Variants in GSK3B observed in about 807,000 individuals in gnomAD.
GSK3B encodes the protein glycogen synthase kinase-3 beta.
In GSK3B, 15 loss-of-function variants were observed where a neutral mutation model predicts 56.4. The ratio of observed to expected loss-of-function variants is 0.27; its 90% CI spans 0.18 to 0.41. GSK3B has a LOEUF of 0.41. GSK3B is among the 10% of genes least tolerant of loss of function. The pLI is 1.00. For synonymous variants in GSK3B, 181 were observed against 188.9 expected, an observed-to-expected ratio of 0.96 and a Z score of 0.34; for missense variants, 300 against 513.4, an observed-to-expected ratio of 0.58 and a Z score of 4.02.
intron 2 of GSK3B, among the ~76,000 whole-genome samples, chr3:119,958,644 CTT>C (rs2057239303): frequency 6.6e-6 from 1 of 152,076 alleles, no homozygotes. Flanking sequence ...TGACATTGCA[CTT>C]CAGCCTGGGT....
chr3:119,911,468 C>A (rs1324149254), intron 6 of GSK3B, among the ~76,000 whole-genome samples: 2 of 152,126 alleles, frequency 1.3e-5, no homozygotes, highest in Non-Finnish European at 2.9e-5. Context: ...ACATTAGGCC[C>A]TCACAAGAGA....
rs565419702 is a variant in GSK3B, at chr3:120,084,106, C to T, written c.88+9241G>A. On this transcript the variant is annotated intron_variant, in intron 1 of 10. Transcript: ENST00000264235. ...CTGAGTAATGAAAAAATGAATGTTA[C>T]GGTATGTGAATTATATCTCAATAAA... Among the ~76,000 whole-genome samples, 13 of 152,148 alleles carry T rather than the reference C, an allele frequency of 8.5e-5. No individual in the cohort carries two copies. The East Asian group carries it at 9.7e-4, about 11-fold the overall frequency.
At chr3:119,945,183 G>C (rs2057087963) in intron 3 of GSK3B, among the ~76,000 whole-genome samples, 1 of 152,128 alleles carries the variant, frequency 6.6e-6, no homozygotes, top group Admixed American at 6.6e-5. Flanking sequence ...GCACATCTTA[G>C]AAAAATTTCC....
intron 4 of GSK3B, among the ~76,000 whole-genome samples, chr3:119,922,663 C>T (rs562108020): frequency 2.0e-5 from 3 of 151,698 alleles, no homozygotes; most frequent in Admixed American, 6.6e-5. Context: ...ATAAGACATT[C>T]AGAGTCAATG....
intron 9 of GSK3B, among the ~76,000 whole-genome samples, chr3:119,862,957 A>G (rs1479337163): frequency 6.6e-6 from 1 of 152,176 alleles, no homozygotes; most frequent in Non-Finnish European, 1.5e-5. Flanking sequence ...AAGTTCTTAG[A>G]AAGGGTTTAT....
At position 119,905,691 on chromosome 3, in the gene GSK3B, T is replaced by C. The variant is rs2056676034; in HGVS notation, c.813+64A>G. Reference sequence around the variant, plus strand: ...GTTTCTCGTATGTGTACATGTGTGATATATATTATTAAAGTAGCACAAAAA... The same window carrying C: ...GTTTCTCGTATGTGTACATGTGTGACATATATTATTAAAGTAGCACAAAAA... On this transcript the variant is annotated intron_variant, in intron 7 of 10. Transcript: ENST00000264235. The C allele has an allele frequency of 1.2e-5, 11 of 899,880 alleles. No individual in the cohort carries two copies. The South Asian group carries it at 1.3e-4, about 11-fold the overall frequency. 55.7% of individuals were successfully genotyped at this position (899,880 alleles called of 1,614,324 possible).
intron 1 of GSK3B, among the ~76,000 whole-genome samples, chr3:120,026,554 A>ACAC (rs1559881737): frequency 0.013 from 846 of 64,364 alleles, 9 homozygotes; most frequent in Middle Eastern, 0.028. Flanking sequence ...CACACACACA[A>ACAC]ACACACACAC....
chr3:119,939,503 CAAT>C (rs2057026927), intron 3 of GSK3B, among the ~76,000 whole-genome samples: 1 of 152,072 alleles, frequency 6.6e-6, no homozygotes, highest in Admixed American at 6.6e-5. Flanking sequence ...TAAACCCAGA[CAAT>C]AAATTCTTAA....
At chr3:120,018,196 C>T (rs1384022294) in intron 1 of GSK3B, among the ~76,000 whole-genome samples, 1 of 152,136 alleles carries the variant, frequency 6.6e-6, no homozygotes, top group Non-Finnish European at 1.5e-5. Context: ...GAGAAGGGAA[C>T]TGAGACTCAA....
intron 1 of GSK3B, among the ~76,000 whole-genome samples, chr3:120,073,178 G>A (rs1310577942): frequency 7.1e-6 from 1 of 139,902 alleles, no homozygotes; most frequent in Non-Finnish European, 1.5e-5. Flanking sequence ...CTTAAGCCCA[G>A]CCTGGACAAC....
At chr3:120,050,644 G>T (rs1167889922) in intron 1 of GSK3B, among the ~76,000 whole-genome samples, 1 of 152,154 alleles carries the variant, frequency 6.6e-6, no homozygotes, top group Non-Finnish European at 1.5e-5. Flanking sequence ...TAGAGAGGAA[G>T]AAGAAGAATA....
intron 1 of GSK3B, among the ~76,000 whole-genome samples, chr3:120,004,995 T>C (rs1278226493): frequency 6.6e-6 from 1 of 152,146 alleles, no homozygotes; most frequent in Non-Finnish European, 1.5e-5. Flanking sequence ...AAGAAGTATG[T>C]TCTAACCCAT....
intron 3 of GSK3B, among the ~76,000 whole-genome samples, chr3:119,941,748 C>T (rs2057051791): frequency 6.6e-6 from 1 of 152,182 alleles, no homozygotes; most frequent in Admixed American, 6.5e-5. Context: ...ATAATGAGCA[C>T]GTGATAACCT....
chr3:120,005,241 G>A (rs2057716723), intron 1 of GSK3B, among the ~76,000 whole-genome samples: 1 of 152,084 alleles, frequency 6.6e-6, no homozygotes, highest in Non-Finnish European at 1.5e-5. Flanking sequence ...AGAGTGAAAA[G>A]AAATGAACAA....
At chr3:119,972,561 G>A (rs896665439) in intron 2 of GSK3B, among the ~76,000 whole-genome samples, 19 of 152,072 alleles carry the variant, frequency 1.2e-4, no homozygotes, top group African/African-American at 3.6e-4. Context: ...TCAGCCTCCC[G>A]AGTAGCTGGG....
At chr3:119,887,589 T>C (rs958040997) in intron 7 of GSK3B, among the ~76,000 whole-genome samples, 1 of 151,952 alleles carries the variant, frequency 6.6e-6, no homozygotes, top group Non-Finnish European at 1.5e-5. Context: ...ATAGAAACTA[T>C]CAAAGCTGAA....
At chr3:119,897,859 A>G (rs1430683101) in intron 7 of GSK3B, among the ~76,000 whole-genome samples, 1 of 151,998 alleles carries the variant, frequency 6.6e-6, no homozygotes, top group East Asian at 1.9e-4. Flanking sequence ...TTAAGTCAGG[A>G]AACAAGAGTG....
At chr3:120,087,317 G>T (rs149078887) in intron 1 of GSK3B, among the ~76,000 whole-genome samples, 1 of 152,316 alleles carries the variant, frequency 6.6e-6, no homozygotes, top group African/African-American at 2.4e-5. Context: ...AAGATCACAA[G>T]GTCAGGATTT....
At chr3:119,901,511 T>C (rs996984479) in intron 7 of GSK3B, among the ~76,000 whole-genome samples, 34 of 152,174 alleles carry the variant, frequency 2.2e-4, no homozygotes, top group African/African-American at 8.0e-4. Context: ...AAAAACCTTA[T>C]TAGAGGGCAG....
Sources: gnomAD v4.1 joint callset for allele counts (sites outside exome capture counted in the v4.1 genomes callset) on GRCh38, gnomAD v4.1.1 for gene constraint, MANE v1.5 for transcripts, NCBI Gene and HGNC (gene_info 2026-07-23, HGNC 2026-07-21) for gene names.